The following IQGAP2 variants were observed in gnomAD, a reference collection of about 807,000 sequenced individuals.
IQGAP2 encodes ras GTPase-activating-like protein IQGAP2.
IQGAP2 carries 173 observed loss-of-function variants against 201.3 expected under a neutral mutation model. The ratio of observed to expected loss-of-function variants is 0.86; its 90% CI spans 0.76 to 0.98. The LOEUF (loss-of-function observed/expected upper bound fraction) is 0.98. Among genes scored for constraint, IQGAP2 ranks in the 50% least tolerant of loss-of-function variants. The pLI is 0.00. For synonymous variants in IQGAP2, 675 were observed against 673.9 expected (o/e 1.00, Z -0.03); for missense variants, 1,687 against 1,864.8 (o/e 0.90, Z 1.76).
In IQGAP2 at chr5:76,652,892, G is replaced by C. The variant is rs1047962937; in HGVS notation, c.2178+59G>C. On this transcript the variant is annotated intron_variant, in intron 18 of 35. Transcript: ENST00000274364. ...GCTTAAACGTTTCCCCTCATTTCAT[G>C]TTTAATCTGAAAGACAGCTATAGAA... 4.5e-6 allele frequency: 5 copies of C among 1,114,900 alleles called. No individual in the cohort carries two copies. The African/African-American group carries it at 7.7e-5, about 17-fold the overall frequency. 69.1% of individuals were successfully genotyped at this position (1,114,900 alleles called of 1,614,324 possible). A position where few individuals can be genotyped will look rare whatever the true frequency, so the allele number is the denominator to read the frequency against.
chr5:76,653,400 C>G (rs1219190706), intron 18 of IQGAP2, among the ~76,000 whole-genome samples: 1 of 152,114 alleles, frequency 6.6e-6, no homozygotes. Flanking sequence ...CTACAAGTCT[C>G]CAGCTTGGAA....
intron 2 of IQGAP2, among the ~76,000 whole-genome samples, chr5:76,475,813 C>T (rs1755383922): frequency 2.0e-5 from 3 of 152,058 alleles, no homozygotes; most frequent in Admixed American, 6.6e-5. Context: ...TCCAATTGAT[C>T]GGCCTTTTGT....
chr5:76,623,370 G>T (rs934171698), intron 13 of IQGAP2: 1 of 937,582 alleles, frequency 1.1e-6, no homozygotes, highest in Non-Finnish European at 1.6e-6. Flanking sequence ...TGCCGTGCAG[G>T]CAGGAAACTT....
intron 1 of IQGAP2, among the ~76,000 whole-genome samples, chr5:76,437,618 C>A (rs577698320): frequency 2.0e-5 from 3 of 152,108 alleles, no homozygotes; most frequent in African/African-American, 7.2e-5. Context: ...CAAGTGAGAA[C>A]GTGTGGTGTT....
intron 32 of IQGAP2, among the ~76,000 whole-genome samples, chr5:76,697,415 G>A (rs1237187415): frequency 8.5e-5 from 13 of 152,132 alleles, no homozygotes; most frequent in African/African-American, 2.4e-5. Context: ...AGGCCGAGGC[G>A]GGCAGATCAC....
intron 2 of IQGAP2, among the ~76,000 whole-genome samples, chr5:76,529,344 T>G (rs1469007809): frequency 6.6e-6 from 1 of 152,092 alleles, no homozygotes; most frequent in Non-Finnish European, 1.5e-5. Context: ...TGGTTATTTT[T>G]GAGGGCTGGG....
At chr5:76,532,136 A>G (rs1759334991) in intron 2 of IQGAP2, among the ~76,000 whole-genome samples, 1 of 152,230 alleles carries the variant, frequency 6.6e-6, no homozygotes, top group South Asian at 2.1e-4. Flanking sequence ...ATTGCGGGCA[A>G]CCATTGCTAT....
At chr5:76,658,870 G>C (rs1742999290) in intron 21 of IQGAP2, among the ~76,000 whole-genome samples, 1 of 152,124 alleles carries the variant, frequency 6.6e-6, no homozygotes, top group Admixed American at 6.6e-5. Context: ...AAAGCCTACT[G>C]CTCCTAGGCT....
chr5:76,688,926 C>T (rs1409087335), intron 30 of IQGAP2, among the ~76,000 whole-genome samples: 4 of 151,900 alleles, frequency 2.6e-5, no homozygotes, highest in Non-Finnish European at 5.9e-5. Flanking sequence ...AGATTCAAAC[C>T]CACATGATTT....
At chr5:76,509,036 TG>T (rs1757790335) in intron 2 of IQGAP2, among the ~76,000 whole-genome samples, 1 of 46,012 alleles carries the variant, frequency 2.2e-5, no homozygotes, top group Non-Finnish European at 4.6e-5. Flanking sequence ...TATATGTGTG[TG>T]TGTGTGTGTG....
At chr5:76,539,014 C>T (rs1759780070) in intron 2 of IQGAP2, among the ~76,000 whole-genome samples, 1 of 152,190 alleles carries the variant, frequency 6.6e-6, no homozygotes, top group African/African-American at 2.4e-5. Context: ...TTTACCTCAG[C>T]CTCGTTTGTG....
chr5:76,689,860 G>A (rs1473493426), intron 30 of IQGAP2, among the ~76,000 whole-genome samples: 2 of 152,174 alleles, frequency 1.3e-5, no homozygotes, highest in African/African-American at 4.8e-5. Context: ...AGATGACAGA[G>A]GGGGAGCTTC....
At chr5:76,618,410 G>A in intron 13 of IQGAP2, 1 of 1,614,224 alleles carries the variant, frequency 6.2e-7, no homozygotes, top group Non-Finnish European at 8.5e-7. Context: ...GGAGGTAGAT[G>A]GCAGGTATCA....
At chr5:76,701,478 TGA>T (rs1380642176) in intron 34 of IQGAP2, among the ~76,000 whole-genome samples, 2 of 152,234 alleles carry the variant, frequency 1.3e-5, no homozygotes, top group African/African-American at 2.4e-5. Context: ...GTCATAGCAA[TGA>T]GAGTAAAAGG....
chr5:76,459,264 G>A (rs1402397282), intron 1 of IQGAP2, among the ~76,000 whole-genome samples: 2 of 152,144 alleles, frequency 1.3e-5, no homozygotes, highest in South Asian at 2.1e-4. Context: ...GAGGGACGGG[G>A]TTCTGCTGGG....
At chr5:76,684,566 C>T (rs182228389) in intron 30 of IQGAP2, among the ~76,000 whole-genome samples, 11 of 152,254 alleles carry the variant, frequency 7.2e-5, no homozygotes, top group Admixed American at 5.9e-4. Context: ...CAAAAGCACC[C>T]GCTGACCAAG....
Position 76,658,446 on chromosome 5 carries a change from C to T in IQGAP2, c.2321-13C>T, listed in dbSNP as rs1273795176. The T allele has an allele frequency of 6.3e-7, 1 of 1,599,922 alleles. No homozygotes were observed. Among genetic ancestry groups the T allele is most frequent in the South Asian group, 1.1e-5 (1 of 90,652 alleles). On this transcript the variant is annotated splice_polypyrimidine_tract_variant and intron_variant, in intron 20 of 35. Transcript: ENST00000274364. ...CTTTCCTAATTAAAGTATACCTGTT[C>T]CTGTCACTGCAGTTGGCTCTGAAAA...
At chr5:76,488,902 C>T (rs1365833907) in intron 2 of IQGAP2, among the ~76,000 whole-genome samples, 3 of 152,154 alleles carry the variant, frequency 2.0e-5, no homozygotes, top group Non-Finnish European at 2.9e-5. Context: ...GCCAAGCACC[C>T]GGCTGAGTTG....
intron 10 of IQGAP2, 23 bp from the exon 11 acceptor site, chr5:76,600,789 T>A (rs750870408): frequency 1.9e-6 from 3 of 1,613,008 alleles, no homozygotes; most frequent in Non-Finnish European, 2.5e-6. Flanking sequence ...GGGGAGCTTA[T>A]GTTGCCATAT....
Sources: gnomAD v4.1 joint callset for allele counts (sites outside exome capture counted in the v4.1 genomes callset) on GRCh38, gnomAD v4.1.1 for gene constraint, MANE v1.5 for transcripts, NCBI Gene and HGNC (gene_info 2026-07-23, HGNC 2026-07-21) for gene names.